Variants in SSX1 observed in about 807,000 individuals in gnomAD.
SSX1 encodes protein SSX1.
A neutral mutation model predicts 14.6 loss-of-function variants in SSX1; 58 were observed. That is an observed-to-expected ratio of 3.96 (90% CI 3.21 to 4.93). The LOEUF (loss-of-function observed/expected upper bound fraction) is 4.93. SSX1 is among the 30% of genes most tolerant of loss of function. SSX1 has a pLI of 0.00. For synonymous variants in SSX1, 46 were observed against 52.1 expected (o/e 0.88, Z 0.50); for missense variants, 272 against 143.1 (o/e 1.90, Z -4.60).
intron 1 of SSX1, 68 bp downstream of exon 1, chrX:48,255,500 T>A (rs373955724): frequency 2.6e-4 from 29 of 110,035 alleles, no homozygotes; most frequent in African/African-American, 9.2e-4. Context: ...GAAGCCTCTG[T>A]AGGGCCGTCA....
At chrX:48,265,539 G>A (rs376465616) in intron 6 of SSX1, among the ~76,000 whole-genome samples, 1,510 of 50,910 alleles carry the variant, frequency 0.03, 23 homozygotes, top group African/African-American at 0.079. Context: ...AATTACGTTC[G>A]TTATCTTCTC....
At chrX:48,266,747 G>A in intron 7 of SSX1, 107 bp from the exon 8 acceptor site, 1 of 567,852 alleles carries the variant, frequency 1.8e-6, no homozygotes, top group Non-Finnish European at 2.9e-6. Flanking sequence ...CCTGGGGTAG[G>A]GCAGAATCAG....
chrX:48,267,268 C>CAG lies in SSX1; in HGVS notation c.*420_*421insGA, dbSNP rs2059627563. 1 of 224,017 alleles carries CAG rather than the reference C, an allele frequency of 4.5e-6. No homozygotes were observed. Among genetic ancestry groups the CAG allele is most frequent in the African/African-American group, 3.3e-5 (1 of 30,649 alleles). 18.5% of individuals were successfully genotyped at this position (224,017 alleles called of 1,213,427 possible). ...TTTCCTCTGCATTTACACACACACA[C>CAG]ACACACACACGCACACACACACACC... On this transcript the variant is annotated 3_prime_UTR_variant, in exon 8 of 8. Transcript: ENST00000376919.
chrX:48,255,638 T>G (rs782629317), intron 1 of SSX1, among the ~76,000 whole-genome samples: 5 of 106,836 alleles, frequency 4.7e-5, no homozygotes, highest in East Asian at 3.0e-4. Flanking sequence ...CCTGTTTTTT[T>G]TTTTTTTTTT....
chrX:48,262,573 T>C (rs1381342574), intron 5 of SSX1, among the ~76,000 whole-genome samples: 1 of 110,990 alleles, frequency 9.0e-6, no homozygotes, highest in Admixed American at 9.6e-5. Flanking sequence ...ACCTGGGGCA[T>C]CCGAGAAGCC....
rs1488032333 is a variant in SSX1, at chrX:48,257,770, T to A, written c.94T>A (p.Phe32Ile). 8.3e-7 allele frequency: 1 copy of A among 1,206,198 alleles called. No homozygotes were observed. Among genetic ancestry groups the A allele is most frequent in the Non-Finnish European group, 1.1e-6 (1 of 892,509 alleles). ...GGCCTTTGATGATATTGCCACATAC[T>A]TCTCTAAGAAAGAGTGGAAAAAGAT... Reference protein sequence around the residue: ...SKAFDDIATYFSKKEWKKMKY... With the variant: ...SKAFDDIATYISKKEWKKMKY... The change falls in exon 3 of 8, where the codon TTC (phenylalanine) becomes ATC (isoleucine). Residue 32 changes from phenylalanine (F) to isoleucine (I), a missense_variant. By Grantham distance (21) the Phe-to-Ile change is conservative. Transcript: ENST00000376919.
At chrX:48,265,436 G>A (rs782204434) in intron 6 of SSX1, among the ~76,000 whole-genome samples, 8 of 111,299 alleles carry the variant, frequency 7.2e-5, no homozygotes, top group Non-Finnish European at 1.5e-4. Context: ...TTTCAGTATC[G>A]CTGTATCTCA....
intron 6 of SSX1, among the ~76,000 whole-genome samples, chrX:48,265,606 A>G (rs72616758): frequency 0.065 from 7,233 of 111,484 alleles, 283 homozygotes; most frequent in East Asian, 0.25. Flanking sequence ...GACTATAGTC[A>G]ATAATAACTT....
In SSX1 at chrX:48,266,927, G is replaced by A. The variant is rs189461370; in HGVS notation, c.*78G>A. The A allele has an allele frequency of 1.6e-4, 165 of 1,062,091 alleles. No homozygotes were observed. In the African/African-American group the frequency reaches 2.7e-3, roughly 18 times the overall value. The allele number at this position is 1,062,091 out of a possible 1,213,427, so 87.5% of individuals were successfully genotyped here. A position where few individuals can be genotyped will look rare whatever the true frequency, so the allele number is the denominator to read the frequency against. On this transcript the variant is annotated 3_prime_UTR_variant, in exon 8 of 8. Coordinates refer to ENST00000376919, the MANE Select transcript of SSX1 (RefSeq NM_005635.4). ...CTTTCACGAACATGGGCATGGCTGC[G>A]GCTCCCTCGTCATCAGGTGCATAGC... is the stretch of plus-strand genomic sequence containing the variant.
At chrX:48,264,340 T>A (rs1255937955) in intron 6 of SSX1, among the ~76,000 whole-genome samples, 2 of 112,241 alleles carry the variant, frequency 1.8e-5, no homozygotes, top group Non-Finnish European at 3.8e-5. Flanking sequence ...TATTGCAGGT[T>A]GGGTTCCAGA....
Position 48,255,405 on chromosome X carries a change from ACCT to A in SSX1, c.-46_-44del, listed in dbSNP as rs1289084136. 3 of 110,689 alleles carry A rather than the reference ACCT, an allele frequency of 2.7e-5. No individual in the cohort carries two copies. In the Admixed American group the frequency reaches 2.9e-4, roughly 11 times the overall value. The allele number at this position is 110,689 out of a possible 1,213,427, so 9.1% of individuals were successfully genotyped here. A position where few individuals can be genotyped will look rare whatever the true frequency, so the allele number is the denominator to read the frequency against. The stretch of plus-strand genomic sequence containing the variant: ...TGCCAACTCGCCACCACTGCTGCCG[ACCT>A]CGCAACCACTGCTTTGTCTCTGAAG... On this transcript the variant is annotated 5_prime_UTR_variant, in exon 1 of 8. Transcript: ENST00000376919.
intron 6 of SSX1, among the ~76,000 whole-genome samples, chrX:48,265,916 T>TC (rs869057275): frequency 9.0e-6 from 1 of 111,162 alleles, no homozygotes; most frequent in Admixed American, 9.6e-5. Flanking sequence ...TGGTGAGAAT[T>TC]CCCCCCAAAA....
At chrX:48,260,282 C>G (rs2059599653) in intron 4 of SSX1, among the ~76,000 whole-genome samples, 1 of 109,867 alleles carries the variant, frequency 9.1e-6, no homozygotes, top group East Asian at 2.9e-4. Flanking sequence ...GCCCTTTGCC[C>G]ACTTTTTGAT....
chrX:48,263,808 C>T lies in SSX1; in HGVS notation c.357C>T (p.Asp119=), dbSNP rs368787182. 4.1e-5 allele frequency: 49 copies of T among 1,209,378 alleles called. No individual in the cohort carries two copies. The highest frequency in any genetic ancestry group is 4.7e-5 in the Non-Finnish European group (42 of 895,040). The change falls in exon 6 of 8, where the codon GAC becomes GAT. Residue 119 remains aspartate (D), a synonymous_variant. Coordinates refer to ENST00000376919, the MANE Select transcript of SSX1 (RefSeq NM_005635.4). ...TCATGCCCAAGAAGCCAGCAGAGGA[C>T]GAAAATGATTCGAAGGGAGTGTCAG... is the stretch of plus-strand genomic sequence containing the variant. The part of the protein sequence containing the change: ...PKIMPKKPAE[D]ENDSKGVSEA...
rs781834455 is a variant in SSX1 at position 48,267,426 on chromosome X, T to C, written c.*577T>C. ...CCCTGTATCAGTCACTGACAGTTAA[T>C]AAACCTTTGCAAACGTTCCCCAGTT... On this transcript the variant is annotated 3_prime_UTR_variant, in exon 8 of 8. Coordinates refer to ENST00000376919, the MANE Select transcript of SSX1 (RefSeq NM_005635.4). 24 of 155,384 alleles carry C rather than the reference T, an allele frequency of 1.5e-4. No homozygotes were observed. Among genetic ancestry groups the C allele is most frequent in the African/African-American group, 4.9e-4 (16 of 32,527 alleles). The allele number at this position is 155,384 out of a possible 1,213,427, so 12.8% of individuals were successfully genotyped here.
At chrX:48,264,051 G>A in intron 6 of SSX1, 134 bp downstream of exon 6, 1 of 1,069,711 alleles carries the variant, frequency 9.3e-7, no homozygotes, top group South Asian at 2.4e-5. Context: ...AGCTCCAGAT[G>A]AGATGTTAGA....
At chrX:48,260,701 G>A (rs1182961293) in intron 4 of SSX1, among the ~76,000 whole-genome samples, 17 of 111,042 alleles carry the variant, frequency 1.5e-4, no homozygotes, top group Non-Finnish European at 2.1e-4. Flanking sequence ...AAAATCACAA[G>A]CATTCTTATA....
In SSX1 at chrX:48,261,676, C is replaced by G. The variant is rs187742211; in HGVS notation, c.281-90C>G. 22 of 989,089 alleles carry G rather than the reference C, an allele frequency of 2.2e-5. No homozygotes were observed. The East Asian group carries it at 5.6e-4, about 25-fold the overall frequency. The allele number at this position is 989,089 out of a possible 1,213,427, so 81.5% of individuals were successfully genotyped here. On this transcript the variant is annotated intron_variant, in intron 4 of 7. Transcript: ENST00000376919. ...TCAACAATGAGTGGACTCATAACCTCTGCTGCAGAATGCCCTCATGCAACG... is the reference window on the plus strand; with the variant it reads ...TCAACAATGAGTGGACTCATAACCTGTGCTGCAGAATGCCCTCATGCAACG...
chrX:48,256,853 G>T (rs1556934451), intron 1 of SSX1, among the ~76,000 whole-genome samples: 1 of 109,356 alleles, frequency 9.1e-6, no homozygotes, highest in African/African-American at 3.3e-5. Flanking sequence ...TTATTGAGTG[G>T]GGGTGTCAGA....
Sources: gnomAD v4.1 joint callset for allele counts (sites outside exome capture counted in the v4.1 genomes callset) on GRCh38, gnomAD v4.1.1 for gene constraint, MANE v1.5 for transcripts, NCBI Gene and HGNC (gene_info 2026-07-23, HGNC 2026-07-21) for gene names.